ADCY5: variants seen among roughly 807,000 people sequenced by gnomAD.
ADCY5 encodes the protein adenylate cyclase type 5.
A neutral mutation model predicts 119.7 loss-of-function variants in ADCY5; 30 were observed. The ratio of observed to expected loss-of-function variants is 0.25; its 90% CI spans 0.19 to 0.34. The LOEUF is 0.34. ADCY5 is among the 10% of genes least tolerant of loss of function. The pLI is 1.00. For missense variants in ADCY5, 1,324 were observed against 1,775.2 expected (o/e 0.75, Z 4.57); for synonymous variants, 753 against 762.2 (o/e 0.99, Z 0.20).
intron 1 of ADCY5, among the ~76,000 whole-genome samples, chr3:123,441,982 A>AG (rs1945731941): frequency 6.7e-6 from 1 of 150,038 alleles, no homozygotes; most frequent in Non-Finnish European, 1.5e-5. Context: ...TAAGGAAGGA[A>AG]AAAAAAAAAA....
At chr3:123,439,509 G>A (rs1488646277) in intron 1 of ADCY5, among the ~76,000 whole-genome samples, 1 of 152,136 alleles carries the variant, frequency 6.6e-6, no homozygotes, top group African/African-American at 2.4e-5. Flanking sequence ...CTGTTCTATT[G>A]TATTATTAAT....
rs373867374 is a variant in ADCY5, at chr3:123,327,594, C to T, written c.1947+24G>A. 302 of 1,600,914 alleles carry T rather than the reference C, an allele frequency of 1.9e-4. 3 individuals carry two copies. In the African/African-American group the frequency reaches 3.6e-3, roughly 19 times the overall value. On this transcript the variant is annotated intron_variant, in intron 7 of 20. Coordinates refer to ENST00000462833, the MANE Select transcript of ADCY5 (RefSeq NM_183357.3). ...TCCCTGGAGGAAGGGAGCCCCTCAG[C>T]CCCCCGGCCCCCAGCCCACAGACCC... is the stretch of plus-strand genomic sequence containing the variant.
At chr3:123,398,280 A>T (rs1396662841) in intron 1 of ADCY5, among the ~76,000 whole-genome samples, 1 of 151,798 alleles carries the variant, frequency 6.6e-6, no homozygotes, top group Non-Finnish European at 1.5e-5. Context: ...TGGGACCCAC[A>T]CACTTTGGCT....
At chr3:123,438,381 A>G (rs1945662318) in intron 1 of ADCY5, among the ~76,000 whole-genome samples, 2 of 151,960 alleles carry the variant, frequency 1.3e-5, no homozygotes, top group African/African-American at 4.8e-5. Flanking sequence ...TCCCCCTCTA[A>G]CCTCAGTTTT....
At chr3:123,320,143 G>A (rs1471641532) in intron 9 of ADCY5, among the ~76,000 whole-genome samples, 1 of 152,242 alleles carries the variant, frequency 6.6e-6, no homozygotes, top group African/African-American at 2.4e-5. Flanking sequence ...TTTCCCTACA[G>A]CTAACAGGCT....
rs968493032 is a variant in ADCY5 at position 123,340,071 on chromosome 3, C to T, written c.1407-7396G>A. Among the ~76,000 whole-genome samples, 15 of 152,310 alleles carry T rather than the reference C, an allele frequency of 9.8e-5. No individual in the cohort carries two copies. In the Middle Eastern group the frequency reaches 0.01, roughly 104 times the overall value. On this transcript the variant is annotated intron_variant, in intron 3 of 20. Transcript: ENST00000462833. Reference sequence around the variant, plus strand: ...TTGGGAGGCCAAGGCAGGAGGAACACTTGAGCCCAGGAGTCGGAGGCCGGT... The same window carrying T: ...TTGGGAGGCCAAGGCAGGAGGAACATTTGAGCCCAGGAGTCGGAGGCCGGT...
intron 11 of ADCY5, among the ~76,000 whole-genome samples, chr3:123,317,472 C>T (rs913377528): frequency 2.0e-5 from 3 of 152,030 alleles, no homozygotes; most frequent in South Asian, 2.1e-4. Flanking sequence ...TGGTGGCTCA[C>T]GCCTGTAATC....
intron 1 of ADCY5, among the ~76,000 whole-genome samples, chr3:123,411,251 C>G (rs561217856): frequency 6.6e-6 from 1 of 152,310 alleles, no homozygotes; most frequent in African/African-American, 2.4e-5. Flanking sequence ...AGCCTGCCAT[C>G]CACCATTGGG....
intron 1 of ADCY5, among the ~76,000 whole-genome samples, chr3:123,390,662 G>A (rs1411575367): frequency 1.3e-5 from 2 of 152,230 alleles, no homozygotes; most frequent in Non-Finnish European, 2.9e-5. Flanking sequence ...CTCCCCTGGG[G>A]CGTGGCAGAT....
At chr3:123,368,928 C>A (rs1218041799) in intron 1 of ADCY5, among the ~76,000 whole-genome samples, 3 of 152,142 alleles carry the variant, frequency 2.0e-5, no homozygotes, top group African/African-American at 7.2e-5. Flanking sequence ...AATATTCCAA[C>A]TCACAAGAGA....
intron 1 of ADCY5, among the ~76,000 whole-genome samples, chr3:123,432,326 C>T (rs934019951): frequency 1.3e-5 from 2 of 152,098 alleles, no homozygotes; most frequent in Admixed American, 6.5e-5. Context: ...GAGGTCCTCC[C>T]GCATCTCTTA....
intron 1 of ADCY5, among the ~76,000 whole-genome samples, chr3:123,425,898 T>C (rs553700348): frequency 6.6e-6 from 1 of 152,308 alleles, no homozygotes; most frequent in African/African-American, 2.4e-5. Flanking sequence ...TTCCACTTCT[T>C]TTTGGAGGTA....
In ADCY5 at chr3:123,352,662, C is replaced by A; in HGVS notation, c.1135-81G>T. 6.8e-7 allele frequency: 1 copy of A among 1,469,624 alleles called. No homozygotes were observed. Among genetic ancestry groups the A allele is most frequent in the South Asian group, 1.4e-5 (1 of 73,986 alleles). 91.0% of individuals were successfully genotyped at this position (1,469,624 alleles called of 1,614,324 possible). ...AGCATGAAGCCCTCAGCCCCTGTCT[C>A]AGCAAACTCACACCTGGCGCTAGCA... On this transcript the variant is annotated intron_variant, in intron 1 of 20. Transcript: ENST00000462833. This position sits in a 1 kb window ranked among gnomAD's most constrained non-coding sequence, Gnocchi z 4.8.
chr3:123,332,055 GC>G (rs1191773209), intron 4 of ADCY5, among the ~76,000 whole-genome samples: 2 of 152,196 alleles, frequency 1.3e-5, no homozygotes, highest in Non-Finnish European at 2.9e-5. Flanking sequence ...ACCACTCCCG[GC>G]CATGGAGTGT....
At chr3:123,384,409 C>T (rs751734643) in intron 1 of ADCY5, among the ~76,000 whole-genome samples, 27 of 152,174 alleles carry the variant, frequency 1.8e-4, no homozygotes, top group Non-Finnish European at 2.8e-4. Flanking sequence ...TGGGTCAGGG[C>T]GAGTGCAGCC....
At chr3:123,403,728 T>G (rs1339896289) in intron 1 of ADCY5, among the ~76,000 whole-genome samples, 2 of 152,228 alleles carry the variant, frequency 1.3e-5, no homozygotes, top group Non-Finnish European at 2.9e-5. Flanking sequence ...AAATTAAGAA[T>G]GAACTCCTGA....
chr3:123,296,198 C>T lies in ADCY5; in HGVS notation c.2949G>A (p.Lys983=), dbSNP rs747701438. Reference sequence around the variant, plus strand: ...TGGGCGTCACCACCTTCAATGCCACCTTGGTTGCATGCTCAGGGCTGTGGG... The same window carrying T: ...TGGGCGTCACCACCTTCAATGCCACTTTGGTTGCATGCTCAGGGCTGTGGG... The part of the protein sequence containing the change: ...GTSQCPEHAT[K]VALKVVTPII... Residue 983 remains lysine (K), a synonymous_variant, in exon 17 of 21, where the codon AAG becomes AAA. Coordinates refer to ENST00000462833, the MANE Select transcript of ADCY5 (RefSeq NM_183357.3). The T allele has an allele frequency of 9.1e-5, 147 of 1,613,814 alleles. No individual in the cohort carries two copies. The highest frequency in any genetic ancestry group is 3.9e-5 in the Non-Finnish European group (46 of 1,180,004).
intron 1 of ADCY5, chr3:123,419,193 A>G (rs761991071): frequency 6.1e-6 from 6 of 985,180 alleles, no homozygotes; most frequent in Non-Finnish European, 6.0e-6. Context: ...TCATGATTCC[A>G]GGCCCTCCAT....
intron 1 of ADCY5, among the ~76,000 whole-genome samples, chr3:123,354,089 C>G (rs1322496730): frequency 1.3e-5 from 2 of 152,196 alleles, no homozygotes; most frequent in Non-Finnish European, 2.9e-5. Context: ...CCACTCCAAC[C>G]CCATCTACGC....
Sources: allele counts gnomAD v4.1 joint callset (sites outside exome capture counted in the v4.1 genomes callset), GRCh38; gene constraint gnomAD v4.1.1; non-coding constraint Gnocchi (gnomAD v3.1); transcripts MANE v1.5; gene names NCBI Gene and HGNC (gene_info 2026-07-23, HGNC 2026-07-21).